ABCC4: variants seen among roughly 807,000 people sequenced by gnomAD.
ABCC4 encodes the protein ATP binding cassette subfamily C member 4 (PEL blood group).
In ABCC4, 102 loss-of-function variants were observed where a neutral mutation model predicts 168.5. The ratio of observed to expected loss-of-function variants is 0.61; its 90% CI spans 0.52 to 0.71. The LOEUF (loss-of-function observed/expected upper bound fraction) is 0.71. ABCC4 is among the 30% of genes least tolerant of loss of function. ABCC4 has a pLI of 0.00. For missense variants in ABCC4, 1,402 were observed against 1,605.8 expected (o/e 0.87, Z 2.17); for synonymous variants, 617 against 590.7 (o/e 1.04, Z -0.65).
chr13:95,225,151 T>TCACACA (rs749060333), intron 4 of ABCC4, among the ~76,000 whole-genome samples: 1 of 30,596 alleles, frequency 3.3e-5, no homozygotes, highest in African/African-American at 9.7e-5. Flanking sequence ...TCTCTCTCTC[T>TCACACA]CTCACACACA....
intron 27 of ABCC4, among the ~76,000 whole-genome samples, chr13:95,048,849 G>A (rs1336798061): frequency 6.6e-6 from 1 of 151,982 alleles, no homozygotes; most frequent in Non-Finnish European, 1.5e-5. Flanking sequence ...CATTTTCTTA[G>A]TTGTACCTAC....
chr13:95,186,901 G>T lies in ABCC4; in HGVS notation c.1354-9C>A. ...GCACTTAACAGTGATGACTGAAACA[G>T]ATTGTAAAAAAGCACATGTTCAGTC... is the stretch of plus-strand genomic sequence containing the variant. On this transcript the variant is annotated splice_polypyrimidine_tract_variant and intron_variant, in intron 10 of 30. Transcript: ENST00000645237. 1 of 1,597,248 alleles carries T rather than the reference G, an allele frequency of 6.3e-7. No homozygotes were observed. Among genetic ancestry groups the T allele is most frequent in the South Asian group, 1.1e-5 (1 of 88,292 alleles).
Position 95,186,731 on chromosome 13 carries a change from T to C in ABCC4, c.1515A>G (p.Glu505=), listed in dbSNP as rs757251153. 6.2e-7 allele frequency: 1 copy of C among 1,614,084 alleles called. No individual in the cohort carries two copies. Residue 505 remains glutamate, a synonymous_variant, in exon 11 of 31, where the codon GAA becomes GAG. Transcript: ENST00000645237. The stretch of plus-strand genomic sequence containing the variant: ...TCAGAGCACAAGCCTTTATGACTTT[T>C]TCATATCGTTCCTTTTCGTATTTCT... ...FGKKYEKERY[E]KVIKACALKK...
At chr13:95,177,884 C>A in intron 12 of ABCC4, 91 bp from the exon 13 acceptor site, 1 of 1,500,616 alleles carries the variant, frequency 6.7e-7, no homozygotes, top group East Asian at 2.3e-5. Context: ...ACAGAATAAC[C>A]CAAGAAGGTG....
chr13:95,257,778 C>T (rs1044226882), intron 1 of ABCC4, among the ~76,000 whole-genome samples: 1 of 152,134 alleles, frequency 6.6e-6, no homozygotes, highest in Admixed American at 6.5e-5. Flanking sequence ...CAAAGAATTG[C>T]TCTGGAAGCT....
intron 21 of ABCC4, among the ~76,000 whole-genome samples, chr13:95,078,904 G>C (rs2033999710): frequency 6.6e-6 from 1 of 152,164 alleles, no homozygotes; most frequent in Non-Finnish European, 1.5e-5. Context: ...TCCTCATCAG[G>C]AGATCCAAGT....
chr13:95,130,922 C>T (rs555392717), intron 19 of ABCC4, among the ~76,000 whole-genome samples: 11 of 152,244 alleles, frequency 7.2e-5, no homozygotes, highest in South Asian at 4.2e-4. Flanking sequence ...CCTAGAAATA[C>T]GAACAAGAAA....
chr13:95,050,154 T>G (rs1208926213), intron 27 of ABCC4, among the ~76,000 whole-genome samples: 4 of 152,222 alleles, frequency 2.6e-5, no homozygotes, highest in Non-Finnish European at 5.9e-5. Flanking sequence ...CCTTGTGTGG[T>G]ATCTCTCAAG....
At chr13:95,097,172 C>A (rs1381279113) in intron 20 of ABCC4, among the ~76,000 whole-genome samples, 1 of 151,516 alleles carries the variant, frequency 6.6e-6, no homozygotes, top group East Asian at 1.9e-4. Context: ...AGAGCAACCA[C>A]TAAAAACAAT....
intron 20 of ABCC4, among the ~76,000 whole-genome samples, chr13:95,094,745 G>A (rs937115789): frequency 6.6e-6 from 1 of 152,120 alleles, no homozygotes; most frequent in African/African-American, 2.4e-5. Context: ...CACACAGAGT[G>A]GGAGTAAATC....
chr13:95,216,178 T>C (rs1319814108), intron 4 of ABCC4, among the ~76,000 whole-genome samples: 4 of 152,230 alleles, frequency 2.6e-5, no homozygotes, highest in Non-Finnish European at 1.5e-5. Flanking sequence ...TACTTACATC[T>C]GACAGAGAAC....
intron 19 of ABCC4, among the ~76,000 whole-genome samples, chr13:95,132,754 T>C (rs1475753097): frequency 1.3e-5 from 2 of 152,208 alleles, no homozygotes; most frequent in East Asian, 1.9e-4. Context: ...AAGGAGATTC[T>C]GGGCCATTCT....
At chr13:95,187,241 C>T (rs4773843) in intron 10 of ABCC4, among the ~76,000 whole-genome samples, 22,990 of 152,192 alleles carry the variant, frequency 0.15, 1,964 homozygotes, top group South Asian at 0.19. Flanking sequence ...ATATCCAATA[C>T]TGAATGCATT....
At chr13:95,216,083 T>G (rs2039102051) in intron 4 of ABCC4, among the ~76,000 whole-genome samples, 1 of 152,220 alleles carries the variant, frequency 6.6e-6, no homozygotes. Context: ...GCACCTACTG[T>G]AAGCCAGACA....
chr13:95,257,415 C>T (rs1032614593), intron 1 of ABCC4, among the ~76,000 whole-genome samples: 3 of 152,146 alleles, frequency 2.0e-5, no homozygotes, highest in Non-Finnish European at 4.4e-5. Flanking sequence ...CGCCTGTAAT[C>T]CCAGCACTTT....
At chr13:95,165,547 T>G (rs7985457) in intron 15 of ABCC4, among the ~76,000 whole-genome samples, 27,472 of 152,166 alleles carry the variant, frequency 0.18, 3,496 homozygotes, top group African/African-American at 0.36. Flanking sequence ...AGCTCTATGC[T>G]GGCCACTGGG....
chr13:95,078,377 C>A (rs1322608328), intron 21 of ABCC4, among the ~76,000 whole-genome samples: 2 of 152,096 alleles, frequency 1.3e-5, no homozygotes, highest in South Asian at 4.2e-4. Context: ...ACGGCCACTG[C>A]ACTCCAGCCT....
At position 95,258,636 on chromosome 13, in the gene ABCC4, C is replaced by G. The variant is rs1001509423; in HGVS notation, c.75-10883G>C. ...GGGCAGGATTTTTTTATGGTGTTCA[C>G]TGGGCCAGGGACCAGGCGAGCCACT... On this transcript the variant is annotated intron_variant, in intron 1 of 30. Coordinates refer to ENST00000645237, the MANE Select transcript of ABCC4 (RefSeq NM_005845.5). Among the ~76,000 whole-genome samples, 4 of 152,262 alleles carry G rather than the reference C, an allele frequency of 2.6e-5. 1 individual carries two copies. Among genetic ancestry groups the G allele is most frequent in the Non-Finnish European group, 2.9e-5 (2 of 68,028 alleles).
chr13:95,210,855 T>C, intron 4 of ABCC4, 74 bp from the exon 5 acceptor site: 5 of 1,120,028 alleles, frequency 4.5e-6, no homozygotes, highest in Non-Finnish European at 6.7e-6. Flanking sequence ...ACAGCAGACC[T>C]GAGGAAGTCT....
Sources: gnomAD v4.1 joint callset for allele counts (sites outside exome capture counted in the v4.1 genomes callset) on GRCh38, gnomAD v4.1.1 for gene constraint, MANE v1.5 for transcripts, NCBI Gene and HGNC (gene_info 2026-07-23, HGNC 2026-07-21) for gene names.